Variants in ADAM2 observed in about 807,000 individuals in gnomAD.
The protein encoded by ADAM2 is disintegrin and metalloproteinase domain-containing protein 2.
In ADAM2, 101 loss-of-function variants were observed where a neutral mutation model predicts 99.3. That is an observed-to-expected ratio of 1.02 (90% CI 0.87 to 1.20). The LOEUF (loss-of-function observed/expected upper bound fraction) is 1.20, where lower values mean the gene tolerates loss of function less well. Ranked by LOEUF, ADAM2 falls within the 50% of genes most tolerant of loss-of-function variation. ADAM2 has a pLI of 0.00. For synonymous variants in ADAM2, 323 were observed against 287.6 expected, an observed-to-expected ratio of 1.12 and a Z score of -1.25; for missense variants, 948 against 878.7, an observed-to-expected ratio of 1.08 and a Z score of -1.00.
chr8:39,792,523 G>A (rs1312672588), intron 7 of ADAM2, among the ~76,000 whole-genome samples: 2 of 151,936 alleles, frequency 1.3e-5, no homozygotes, highest in East Asian at 1.9e-4. Flanking sequence ...TCACTTAGTC[G>A]AATTCCCTCC....
intron 15 of ADAM2, among the ~76,000 whole-genome samples, chr8:39,758,638 A>T (rs1802241456): frequency 6.6e-6 from 1 of 152,066 alleles, no homozygotes; most frequent in African/African-American, 2.4e-5. Flanking sequence ...TTCAAATACC[A>T]TCTTCTAAGA....
At chr8:39,835,412 C>G (rs962629228) in intron 2 of ADAM2, among the ~76,000 whole-genome samples, 1 of 151,980 alleles carries the variant, frequency 6.6e-6, no homozygotes, top group Non-Finnish European at 1.5e-5. Flanking sequence ...AGGCCATGTG[C>G]GGTGGCTCAC....
chr8:39,821,342 A>G (rs1030182461), intron 5 of ADAM2, among the ~76,000 whole-genome samples, 172 bp from the exon 6 acceptor site: 18 of 152,208 alleles, frequency 1.2e-4, no homozygotes, highest in African/African-American at 4.3e-4. Flanking sequence ...GTGACACCGC[A>G]TAGTAATGCT....
At position 39,767,145 on chromosome 8, in the gene ADAM2, G is replaced by C; in HGVS notation, c.1311+8C>G. 1 of 1,603,118 alleles carries C rather than the reference G, an allele frequency of 6.2e-7. No homozygotes were observed. The highest frequency in any genetic ancestry group is 8.5e-7 in the Non-Finnish European group (1 of 1,176,756). On this transcript the variant is annotated splice_region_variant and intron_variant, in intron 13 of 20. Coordinates refer to ENST00000265708, the MANE Select transcript of ADAM2 (RefSeq NM_001464.5). ...AGGTAATATTGAAATTTTTCAAAAA[G>C]CTCTTACTAGACAGTTTTCGCAGCA...
At chr8:39,797,215 T>C (rs1803998838) in intron 7 of ADAM2, among the ~76,000 whole-genome samples, 1 of 152,226 alleles carries the variant, frequency 6.6e-6, no homozygotes, top group Non-Finnish European at 1.5e-5. Flanking sequence ...CACCTTAAGT[T>C]AATTTTTGTA....
chr8:39,806,209 C>A lies in ADAM2; in HGVS notation c.570+3201G>T, dbSNP rs144687626. On this transcript the variant is annotated intron_variant, in intron 7 of 20. Transcript: ENST00000265708. ...GACTCTGACCAGTCAATAAGATATGCCAACCCAAGGACAACCACTAGGAAT... is the reference window on the plus strand; with the variant it reads ...GACTCTGACCAGTCAATAAGATATGACAACCCAAGGACAACCACTAGGAAT... Among the ~76,000 whole-genome samples, 250 of 151,944 alleles carry A rather than the reference C, an allele frequency of 1.6e-3. 6 individuals carry two copies. Among genetic ancestry groups the A allele is most frequent in the African/African-American group, 4.7e-3 (196 of 41,430 alleles).
rs200751889 is a variant in ADAM2 at position 39,749,402 on chromosome 8, G to C, written c.1924C>G (p.Pro642Ala). The C allele has an allele frequency of 2.8e-4, 454 of 1,613,352 alleles. No individual in the cohort carries two copies. Among genetic ancestry groups the C allele is most frequent in the South Asian group, 3.3e-5 (3 of 91,030 alleles). ...HCHCSASYLP[P>A]DCSVQSDLWP... ...AGATCTGATTGAACTGAGCAATCTG[G>C]AGGTAAATATGAAGCACTACAGTGA... Residue 642 changes from proline to alanine, a missense_variant, in exon 18 of 21, where the codon CCA becomes GCA. Pro to Ala is a conservative substitution (Grantham distance 27). Transcript: ENST00000265708.
In ADAM2 at chr8:39,769,467, AG is replaced by A. The variant is rs1200623296; in HGVS notation, c.1136del (p.Pro379LeufsTer101). On this transcript the variant is annotated frameshift_variant, in exon 12 of 21. Transcript: ENST00000265708. LOFTEE classifies it high-confidence loss of function. ...QCLHNQPRLDPFFKQQAVCGN... is the reference protein window; with the variant it reads ...QCLHNQPRLDXFFKQQAVCGN... ...CACACACTGCTTGCTGTTTGAAAAA[AG>A]GATCTAAGCGAGGCTGATTGTGAAG... 1 of 1,613,746 alleles carries A rather than the reference AG, an allele frequency of 6.2e-7. No individual in the cohort carries two copies. Among genetic ancestry groups the A allele is most frequent in the African/African-American group, 1.3e-5 (1 of 74,926 alleles).
At position 39,776,956 on chromosome 8, in the gene ADAM2, T is replaced by A; in HGVS notation, c.1028+69A>T. 3.9e-6 allele frequency: 4 copies of A among 1,022,792 alleles called. No homozygotes were observed. In the South Asian group the frequency reaches 5.9e-5, roughly 15 times the overall value. The allele number at this position is 1,022,792 out of a possible 1,614,324, so 63.4% of individuals were successfully genotyped here. A position where few individuals can be genotyped will look rare whatever the true frequency, so the allele number is the denominator to read the frequency against. On this transcript the variant is annotated intron_variant, in intron 11 of 20. Transcript: ENST00000265708. Reference sequence around the variant, plus strand: ...GCCATTATTATTTAACAACTTAAACTTTCTTCAACTAAATACATTAAAATT... The same window carrying A: ...GCCATTATTATTTAACAACTTAAACATTCTTCAACTAAATACATTAAAATT...
At chr8:39,746,375 T>C in intron 19 of ADAM2, 97 bp downstream of exon 19, 3 of 835,874 alleles carry the variant, frequency 3.6e-6, no homozygotes, top group Non-Finnish European at 5.4e-6. Context: ...AAGACAATAA[T>C]TGAATTTGAA....
chr8:39,786,103 C>T (rs1021869009), intron 10 of ADAM2, among the ~76,000 whole-genome samples: 1 of 152,092 alleles, frequency 6.6e-6, no homozygotes, highest in African/African-American at 2.4e-5. Flanking sequence ...GGGAGCTAAA[C>T]ATTGGGTCCA....
At chr8:39,800,872 A>G (rs1034324652) in intron 7 of ADAM2, among the ~76,000 whole-genome samples, 1 of 152,148 alleles carries the variant, frequency 6.6e-6, no homozygotes, top group African/African-American at 2.4e-5. Context: ...TTTCAGCTCC[A>G]TCAGATCGTT....
chr8:39,745,117 T>C (rs1179624608), intron 19 of ADAM2, among the ~76,000 whole-genome samples: 3 of 152,186 alleles, frequency 2.0e-5, no homozygotes, highest in Non-Finnish European at 4.4e-5. Flanking sequence ...CAGTGATATA[T>C]GTTTACCCGA....
In ADAM2 at chr8:39,749,320, C is replaced by G; in HGVS notation, c.2006G>C (p.Arg669Thr). 6.2e-7 allele frequency: 1 copy of G among 1,610,136 alleles called. No homozygotes were observed. Residue 669 changes from arginine (R) to threonine (T), a missense_variant, in exon 18 of 21, where the codon AGA (arginine) becomes ACA (threonine). Transcript: ENST00000265708. ...TTATTATTAATACTTACCAGGGAGT[C>G]TGGCTGGTATAGCTACAGGTGGAAA... ...GNFPPVAIPA[R>T]LPERRYIENI...
intron 14 of ADAM2, among the ~76,000 whole-genome samples, chr8:39,762,571 A>G (rs1223861974): frequency 4.6e-5 from 7 of 152,206 alleles, no homozygotes; most frequent in African/African-American, 1.7e-4. Flanking sequence ...GGTATTTTGT[A>G]GGTGTAATGA....
At chr8:39,814,246 C>G (rs1371913884) in intron 6 of ADAM2, among the ~76,000 whole-genome samples, 3 of 151,954 alleles carry the variant, frequency 2.0e-5, no homozygotes, top group African/African-American at 4.8e-5. Context: ...GTAATCACAG[C>G]TAGTCAGGAG....
At chr8:39,771,750 A>G (rs1368471384) in intron 11 of ADAM2, among the ~76,000 whole-genome samples, 1 of 152,176 alleles carries the variant, frequency 6.6e-6, no homozygotes, top group East Asian at 1.9e-4. Flanking sequence ...ACCTTAAATA[A>G]TGAATTTATT....
chr8:39,747,721 T>A (rs1823532128), intron 18 of ADAM2, among the ~76,000 whole-genome samples: 1 of 152,182 alleles, frequency 6.6e-6, no homozygotes, highest in Non-Finnish European at 1.5e-5. Flanking sequence ...CTTATTAACA[T>A]TTTCTTCCAG....
At chr8:39,811,979 A>T (rs1313398388) in intron 6 of ADAM2, among the ~76,000 whole-genome samples, 2 of 152,214 alleles carry the variant, frequency 1.3e-5, no homozygotes, top group Admixed American at 1.3e-4. Flanking sequence ...GAAGAGGGGA[A>T]GTTAAATTGT....
Sources: gnomAD v4.1 joint callset for allele counts (sites outside exome capture counted in the v4.1 genomes callset) on GRCh38, gnomAD v4.1.1 for gene constraint, MANE v1.5 for transcripts, NCBI Gene and HGNC (gene_info 2026-07-23, HGNC 2026-07-21) for gene names.